Variants in NLGN1 observed in about 807,000 individuals in gnomAD.
The protein encoded by NLGN1 is neuroligin 1.
NLGN1 carries 12 observed loss-of-function variants against 65.5 expected under a neutral mutation model. The observed-to-expected ratio is 0.18, with a 90% CI of 0.12 to 0.30. NLGN1 has a LOEUF of 0.30. NLGN1 is among the 10% of genes least tolerant of loss of function. The pLI, the probability that NLGN1 is intolerant of heterozygous loss-of-function variation, is 1.00. For missense variants in NLGN1, 750 were observed against 1,007.1 expected, an observed-to-expected ratio of 0.74 and a Z score of 3.46; for synonymous variants, 350 against 359.5, an observed-to-expected ratio of 0.97 and a Z score of 0.30.
chr3:173,419,020 C>T (rs376708677), intron 1 of NLGN1, among the ~76,000 whole-genome samples: 46 of 12,246 alleles, frequency 3.8e-3, no homozygotes, highest in African/African-American at 9.9e-3. Context: ...TCTTCTTCTT[C>T]TTTTTTTTTT....
In NLGN1 at chr3:174,084,010, A is replaced by G. The variant is rs1032666672; in HGVS notation, c.647-191305A>G. The stretch of plus-strand genomic sequence containing the variant: ...TCATTTTGTATTTTGCTGTAGAGTG[A>G]ATACAAAAAGGTGATGCTTCTGCTA... On this transcript the variant is annotated intron_variant, in intron 4 of 6. Coordinates refer to ENST00000457714, the Ensembl canonical transcript of NLGN1. 5.3e-5 allele frequency among the ~76,000 whole-genome samples: 8 copies of G among 152,222 alleles called. No individual in the cohort carries two copies. In the South Asian group the frequency reaches 1.7e-3, roughly 31 times the overall value.
intron 4 of NLGN1, among the ~76,000 whole-genome samples, chr3:174,270,293 G>A (rs1332247511): frequency 6.7e-6 from 1 of 150,296 alleles, no homozygotes; most frequent in African/African-American, 2.4e-5. Context: ...AATAGTTTTG[G>A]GTTTTTTCAT....
chr3:174,203,814 GTTA>G (rs1734937135), intron 4 of NLGN1, among the ~76,000 whole-genome samples: 1 of 152,052 alleles, frequency 6.6e-6, no homozygotes, highest in Non-Finnish European at 1.5e-5. Context: ...TGGCTATTCT[GTTA>G]TTATTAGAAA....
Position 173,610,867 on chromosome 3 carries a change from C to T in NLGN1, c.493+5776C>T, listed in dbSNP as rs918799916. Among the ~76,000 whole-genome samples, 38 of 151,748 alleles carry T rather than the reference C, an allele frequency of 2.5e-4. 1 individual carries two copies. The highest frequency in any genetic ancestry group is 1.3e-4 in the Non-Finnish European group (9 of 67,868). On this transcript the variant is annotated intron_variant, in intron 3 of 6. Coordinates refer to ENST00000457714, the Ensembl canonical transcript of NLGN1. ...TTTTTAAAAAGGCATCAGAAAAATA[C>T]GAGAAGTGAGGAAAATAGAGGTTGC...
chr3:173,874,051 C>T (rs1731676824), intron 4 of NLGN1, among the ~76,000 whole-genome samples: 1 of 152,180 alleles, frequency 6.6e-6, no homozygotes, highest in Non-Finnish European at 1.5e-5. Context: ...AAAGAGGCCT[C>T]AGAAGAAATC....
chr3:174,224,509 A>G (rs1480447487), intron 4 of NLGN1, among the ~76,000 whole-genome samples: 1 of 152,048 alleles, frequency 6.6e-6, no homozygotes, highest in Non-Finnish European at 1.5e-5. Context: ...GACCAGCCTG[A>G]CCAACACGGT....
intron 4 of NLGN1, among the ~76,000 whole-genome samples, chr3:174,248,928 C>G (rs1318444338): frequency 6.6e-6 from 1 of 152,200 alleles, no homozygotes; most frequent in African/African-American, 2.4e-5. Context: ...GTCATCCTCT[C>G]CACTCCTGCT....
intron 1 of NLGN1, among the ~76,000 whole-genome samples, chr3:173,409,706 C>T (rs1010939152): frequency 1.6e-4 from 25 of 152,132 alleles, no homozygotes; most frequent in African/African-American, 5.8e-4. Context: ...CAAAAGCCTT[C>T]TAAATGCAAA....
intron 1 of NLGN1, among the ~76,000 whole-genome samples, chr3:173,433,358 C>A (rs1377784886): frequency 6.6e-6 from 1 of 152,118 alleles, no homozygotes; most frequent in African/African-American, 2.4e-5. Context: ...ACAGTGTTCC[C>A]TCCCTGTCTG....
chr3:173,569,474 G>A (rs1321629017), intron 2 of NLGN1, among the ~76,000 whole-genome samples: 2 of 151,580 alleles, frequency 1.3e-5, no homozygotes, highest in Non-Finnish European at 2.9e-5. Flanking sequence ...TTTCGGAGAA[G>A]GCTATTTTTA....
intron 2 of NLGN1, among the ~76,000 whole-genome samples, chr3:173,597,615 A>T (rs1016562087): frequency 6.6e-6 from 1 of 151,992 alleles, no homozygotes; most frequent in African/African-American, 2.4e-5. Flanking sequence ...AAAGGTGAAA[A>T]GTGTATGCAT....
intron 3 of NLGN1, among the ~76,000 whole-genome samples, chr3:173,758,709 A>T (rs970568777): frequency 6.6e-6 from 1 of 152,026 alleles, no homozygotes; most frequent in Non-Finnish European, 1.5e-5. Context: ...GTATATTTGT[A>T]GCAATTCTTT....
At chr3:173,482,332 G>C in intron 2 of NLGN1, among the ~76,000 whole-genome samples, 1 of 151,750 alleles carries the variant, frequency 6.6e-6, no homozygotes, top group Middle Eastern at 3.4e-3. Context: ...AGAGTACTTT[G>C]GAAATTACTA....
At chr3:173,994,866 AG>A (rs1162343755) in intron 4 of NLGN1, among the ~76,000 whole-genome samples, 1 of 152,180 alleles carries the variant, frequency 6.6e-6, no homozygotes, top group Non-Finnish European at 1.5e-5. Context: ...GCGTTCTAGA[AG>A]AAATGTTTGA....
downstream of NLGN1, among the ~76,000 whole-genome samples, chr3:174,287,558 A>G (rs1054998413): frequency 2.0e-5 from 3 of 151,532 alleles, no homozygotes; most frequent in African/African-American, 7.3e-5. Flanking sequence ...GTTATTTCTG[A>G]GTTCAAAAAA....
chr3:173,692,482 A>T (rs1220944956), intron 3 of NLGN1, among the ~76,000 whole-genome samples: 1 of 152,254 alleles, frequency 6.6e-6, no homozygotes, highest in South Asian at 2.1e-4. Flanking sequence ...GTCTTTGAAC[A>T]TAGAAAATAC....
intron 3 of NLGN1, among the ~76,000 whole-genome samples, chr3:173,682,046 A>G (rs1343578076): frequency 1.3e-5 from 2 of 152,186 alleles, no homozygotes; most frequent in Middle Eastern, 3.2e-3. Flanking sequence ...TGATTCGATC[A>G]TGAGTATGCC....
chr3:173,711,177 A>T (rs541882530), intron 3 of NLGN1, among the ~76,000 whole-genome samples: 1 of 152,330 alleles, frequency 6.6e-6, no homozygotes, highest in South Asian at 2.1e-4. Context: ...TGATGGGTAC[A>T]TAGTTTTGTT....
Position 173,581,421 on chromosome 3 carries a change from T to C in NLGN1, c.-320-22858T>C, listed in dbSNP as rs556255122. Among the ~76,000 whole-genome samples, 117 of 152,124 alleles carry C rather than the reference T, an allele frequency of 7.7e-4. 1 individual carries two copies. Among genetic ancestry groups the C allele is most frequent in the Non-Finnish European group, 1.1e-3 (76 of 67,862 alleles). On this transcript the variant is annotated intron_variant, in intron 2 of 6. Coordinates refer to ENST00000457714, the Ensembl canonical transcript of NLGN1. ...CAGCTTATGGCTACTCTGGCTTTGG[T>C]AGTTTTTAGTTAACTGGTCAGACTG...
Sources: allele counts gnomAD v4.1 joint callset (sites outside exome capture counted in the v4.1 genomes callset), GRCh38; gene constraint gnomAD v4.1.1; transcripts MANE v1.5; gene names NCBI Gene and HGNC (gene_info 2026-07-23, HGNC 2026-07-21).